NRG3: variants seen among roughly 807,000 people sequenced by gnomAD.
NRG3 encodes neuregulin 3.
A neutral mutation model predicts 66.9 loss-of-function variants in NRG3; 31 were observed. The ratio of observed to expected loss-of-function variants is 0.46; its 90% CI spans 0.35 to 0.63. The LOEUF (loss-of-function observed/expected upper bound fraction) is 0.63, where lower values mean the gene tolerates loss of function less well. NRG3 is among the 20% of genes least tolerant of loss of function. The probability of loss-of-function intolerance (pLI) is 0.00; values close to 1 mark genes in which losing one functional copy is unlikely to be tolerated. For synonymous variants in NRG3, 393 were observed against 359.4 expected (o/e 1.09, Z -1.06); for missense variants, 910 against 878.9 (o/e 1.04, Z -0.45).
intron 1 of NRG3, among the ~76,000 whole-genome samples, chr10:82,319,476 G>A (rs1013409984): frequency 2.0e-5 from 3 of 152,210 alleles, no homozygotes; most frequent in Admixed American, 1.3e-4. Context: ...GGGATTTCAA[G>A]CCCTCCTCCT....
chr10:82,597,552 T>C (rs1369284346), intron 2 of NRG3, among the ~76,000 whole-genome samples: 1 of 152,236 alleles, frequency 6.6e-6, no homozygotes, highest in Non-Finnish European at 1.5e-5. Context: ...AAAACCTAAC[T>C]TTGTCACCAA....
intron 2 of NRG3, among the ~76,000 whole-genome samples, chr10:82,628,876 C>T (rs758152645): frequency 6.6e-6 from 1 of 152,098 alleles, no homozygotes; most frequent in South Asian, 2.1e-4. Flanking sequence ...AAAGATCTGG[C>T]TCAATATTAA....
chr10:81,896,615 A>C (rs1843548610), intron 1 of NRG3, among the ~76,000 whole-genome samples: 1 of 151,724 alleles, frequency 6.6e-6, no homozygotes, highest in South Asian at 2.1e-4. Flanking sequence ...TTAGAAAAGC[A>C]AAGTATATTA....
chr10:81,962,235 G>T (rs1850431530), intron 1 of NRG3, among the ~76,000 whole-genome samples: 1 of 152,166 alleles, frequency 6.6e-6, no homozygotes, highest in South Asian at 2.1e-4. Context: ...TCTATAAATT[G>T]TGGAGCTTAA....
In NRG3 at chr10:81,875,607, C is replaced by A. The variant is rs1473261428; in HGVS notation, c.267C>A (p.Ile89=). The change falls in exon 1 of 9, where the codon ATC becomes ATA. Residue 89 remains isoleucine, a synonymous_variant. Coordinates refer to ENST00000372141, the MANE Select transcript of NRG3 (RefSeq NM_001010848.4). This position sits in a 1 kb window ranked among gnomAD's most constrained non-coding sequence, Gnocchi z 5.3. ...LGLSLMLLKW[I]VVGSVKEYVP... ...TCAGCCTCATGCTTCTCAAATGGAT[C>A]GTGGTGGGCTCCGTCAAGGAGTACG... 5 of 1,613,560 alleles carry A rather than the reference C, an allele frequency of 3.1e-6. No individual in the cohort carries two copies. The highest frequency in any genetic ancestry group is 1.6e-4 in the Middle Eastern group (1 of 6,082).
At chr10:82,837,869 C>T (rs1174139810) in intron 3 of NRG3, among the ~76,000 whole-genome samples, 1 of 152,066 alleles carries the variant, frequency 6.6e-6, no homozygotes, top group Non-Finnish European at 1.5e-5. Context: ...AAACACAGCT[C>T]CTAGGGAGTC....
chr10:82,405,783 C>CT (rs1349474887), intron 2 of NRG3, among the ~76,000 whole-genome samples: 1 of 152,136 alleles, frequency 6.6e-6, no homozygotes, highest in Admixed American at 6.5e-5. Flanking sequence ...TGATCTCATT[C>CT]TTTTTGCTTA....
At chr10:81,915,351 C>T (rs1456088846) in intron 1 of NRG3, among the ~76,000 whole-genome samples, 3 of 152,086 alleles carry the variant, frequency 2.0e-5, no homozygotes, top group African/African-American at 7.2e-5. Context: ...CTTGGAGAGG[C>T]TAGATTCTTC....
At chr10:82,221,658 C>G (rs568612303) in intron 1 of NRG3, among the ~76,000 whole-genome samples, 1 of 152,246 alleles carries the variant, frequency 6.6e-6, no homozygotes, top group South Asian at 2.1e-4. Context: ...AAGGAAATAA[C>G]AGGGACAGAA....
chr10:82,876,819 T>C (rs917039058), intron 4 of NRG3, among the ~76,000 whole-genome samples: 28 of 152,116 alleles, frequency 1.8e-4, no homozygotes, highest in Non-Finnish European at 3.7e-4. Context: ...GGTCATGAGT[T>C]CAAGACCAGC....
At chr10:82,829,757 A>C (rs1384704605) in intron 3 of NRG3, among the ~76,000 whole-genome samples, 4 of 152,198 alleles carry the variant, frequency 2.6e-5, no homozygotes, top group African/African-American at 9.7e-5. Flanking sequence ...GTGTGATTAC[A>C]ACTAACAGAG....
At chr10:82,237,810 C>T (rs1239862842) in intron 1 of NRG3, among the ~76,000 whole-genome samples, 3 of 151,902 alleles carry the variant, frequency 2.0e-5, no homozygotes, top group Non-Finnish European at 4.4e-5. Flanking sequence ...AAGATAATTC[C>T]CTTTCAAAAT....
chr10:82,816,666 T>C (rs1052446369), intron 3 of NRG3, among the ~76,000 whole-genome samples: 1 of 152,142 alleles, frequency 6.6e-6, no homozygotes, highest in African/African-American at 2.4e-5. Flanking sequence ...CCTACTTCCT[T>C]AATCATGTTG....
intron 1 of NRG3, among the ~76,000 whole-genome samples, chr10:81,900,063 C>T (rs918357504): frequency 6.6e-5 from 10 of 151,974 alleles, no homozygotes; most frequent in African/African-American, 2.2e-4. Context: ...TTCTCCGCCT[C>T]AGCCTCCCAA....
At chr10:82,435,805 G>T (rs2090105581) in intron 2 of NRG3, among the ~76,000 whole-genome samples, 2 of 125,904 alleles carry the variant, frequency 1.6e-5, no homozygotes. Context: ...TTTTTGAGAT[G>T]GAGTCTCACT....
At chr10:82,225,237 A>G (rs1295591780) in intron 1 of NRG3, among the ~76,000 whole-genome samples, 4 of 152,214 alleles carry the variant, frequency 2.6e-5, no homozygotes, top group Non-Finnish European at 5.9e-5. Flanking sequence ...TACGGTATTA[A>G]CACCTAAAAT....
At chr10:82,831,894 A>G (rs1017480535) in intron 3 of NRG3, among the ~76,000 whole-genome samples, 8 of 152,156 alleles carry the variant, frequency 5.3e-5, no homozygotes, top group African/African-American at 1.9e-4. Flanking sequence ...AAAGCCTTAT[A>G]TGCACCCACC....
chr10:82,190,736 G>T lies in NRG3; in HGVS notation c.824-168003G>T, dbSNP rs2074094595. Among the ~76,000 whole-genome samples the T allele has an allele frequency of 3.9e-5, 6 of 152,168 alleles. No homozygotes were observed. In the South Asian group the frequency reaches 6.2e-4, roughly 16 times the overall value. ...GAAGAAACTCCTGAGAATGCCTTCA[G>T]CAAGAGCGCAGCCAAGGCAGAGTAG... On this transcript the variant is annotated intron_variant, in intron 1 of 8. Coordinates refer to ENST00000372141, the MANE Select transcript of NRG3 (RefSeq NM_001010848.4).
intron 2 of NRG3, among the ~76,000 whole-genome samples, chr10:82,634,088 C>T (rs2050023971): frequency 6.6e-6 from 1 of 152,078 alleles, no homozygotes; most frequent in South Asian, 2.1e-4. Context: ...GCAGCATGGG[C>T]CTTTGTTGTT....
Sources: gnomAD v4.1 joint callset for allele counts (sites outside exome capture counted in the v4.1 genomes callset) on GRCh38, gnomAD v4.1.1 for gene constraint, Gnocchi (gnomAD v3.1) non-coding constraint, MANE v1.5 for transcripts, NCBI Gene and HGNC (gene_info 2026-07-23, HGNC 2026-07-21) for gene names.